The following SHB variants were observed in gnomAD, a reference collection of about 807,000 sequenced individuals.
SHB encodes the protein SH2 domain containing adaptor protein B, also known as SH2 domain-containing adapter protein B.
Under a neutral mutation model 52.3 loss-of-function variants are expected in SHB, and 20 were observed. The ratio of observed to expected loss-of-function variants is 0.38; its 90% CI spans 0.27 to 0.56. The LOEUF (loss-of-function observed/expected upper bound fraction) is 0.56. Ranked by LOEUF, SHB falls within the 20% of genes least tolerant of loss-of-function variation. SHB has a pLI of 0.71. For missense variants in SHB, 825 were observed against 723.3 expected, an observed-to-expected ratio of 1.14 and a Z score of -1.61; for synonymous variants, 397 against 316.5, an observed-to-expected ratio of 1.25 and a Z score of -2.70.
At chr9:38,067,659 G>T (rs115272920) in intron 1 of SHB, among the ~76,000 whole-genome samples, 1 of 152,020 alleles carries the variant, frequency 6.6e-6, no homozygotes, top group African/African-American at 2.4e-5. Flanking sequence ...GGACTGACTG[G>T]GTCCGTCTTC....
At chr9:37,945,441 C>A (rs1832480999) in intron 5 of SHB, among the ~76,000 whole-genome samples, 1 of 152,224 alleles carries the variant, frequency 6.6e-6, no homozygotes, top group Admixed American at 6.5e-5. Flanking sequence ...CTCTGGGAAG[C>A]AAGTTCATCT....
At chr9:38,012,077 G>A (rs112469130) in intron 2 of SHB, among the ~76,000 whole-genome samples, 4 of 152,144 alleles carry the variant, frequency 2.6e-5, no homozygotes, top group African/African-American at 9.7e-5. Context: ...AGGAGCCCCT[G>A]GGAGAAACAG....
In SHB at chr9:38,006,286, C is replaced by T. The variant is rs999336851; in HGVS notation, c.838+9725G>A. 3.3e-4 allele frequency among the ~76,000 whole-genome samples: 50 copies of T among 152,286 alleles called. 1 individual carries two copies. Among genetic ancestry groups the T allele is most frequent in the African/African-American group, 1.0e-3 (42 of 41,558 alleles). The stretch of plus-strand genomic sequence containing the variant: ...ACCTGTCTCCCTGCCTCTTGCTAGG[C>T]GCTGCAAGATTCCATCCCACACTCC... On this transcript the variant is annotated intron_variant, in intron 2 of 5. Transcript: ENST00000377707.
chr9:38,006,993 C>A (rs1821083010), intron 2 of SHB, among the ~76,000 whole-genome samples: 1 of 152,244 alleles, frequency 6.6e-6, no homozygotes, highest in South Asian at 2.1e-4. Flanking sequence ...GCCACAGCAT[C>A]TAGTAAATGA....
chr9:37,987,210 C>T (rs1394211510), intron 2 of SHB, among the ~76,000 whole-genome samples: 3 of 152,208 alleles, frequency 2.0e-5, no homozygotes, highest in Non-Finnish European at 4.4e-5. Flanking sequence ...GGGCCAACAT[C>T]GCAAAAACTC....
chr9:37,990,400 C>G (rs2243881), intron 2 of SHB, among the ~76,000 whole-genome samples: 4 of 151,948 alleles, frequency 2.6e-5, no homozygotes, highest in Admixed American at 1.3e-4. Flanking sequence ...AAGTTCCAGT[C>G]GAATCCACTT....
At chr9:38,000,519 G>T (rs1820997981) in intron 2 of SHB, among the ~76,000 whole-genome samples, 1 of 152,218 alleles carries the variant, frequency 6.6e-6, no homozygotes, top group Non-Finnish European at 1.5e-5. Context: ...CAGAGCCAGG[G>T]GGCGGGGGCA....
intron 4 of SHB, among the ~76,000 whole-genome samples, chr9:37,950,817 C>T (rs909195778): frequency 2.0e-5 from 3 of 152,208 alleles, no homozygotes; most frequent in Admixed American, 6.5e-5. Flanking sequence ...GCAGCTGCAG[C>T]GTTAGCAGAA....
intron 1 of SHB, among the ~76,000 whole-genome samples, chr9:38,055,042 T>C (rs1347312712): frequency 6.6e-6 from 1 of 152,224 alleles, no homozygotes; most frequent in Non-Finnish European, 1.5e-5. Context: ...GCCCTGGCTG[T>C]ATCTCCAGAA....
chr9:38,063,287 C>G (rs1350629609), intron 1 of SHB, among the ~76,000 whole-genome samples: 1 of 152,200 alleles, frequency 6.6e-6, no homozygotes, highest in African/African-American at 2.4e-5. Context: ...TTCAATCAAG[C>G]CCTACATCAA....
At chr9:37,985,979 A>T (rs575566026) in intron 2 of SHB, among the ~76,000 whole-genome samples, 7 of 152,376 alleles carry the variant, frequency 4.6e-5, no homozygotes, top group Admixed American at 1.3e-4. Context: ...AGGTTCAGAC[A>T]GGAGCAGAGG....
intron 1 of SHB, among the ~76,000 whole-genome samples, chr9:38,037,099 G>C (rs889444550): frequency 6.6e-6 from 1 of 152,196 alleles, no homozygotes; most frequent in African/African-American, 2.4e-5. Flanking sequence ...CTGCCCTGTA[G>C]ACAGCCTGGC....
At chr9:38,012,004 C>T (rs1034824701) in intron 2 of SHB, among the ~76,000 whole-genome samples, 6 of 152,128 alleles carry the variant, frequency 3.9e-5, no homozygotes, top group Non-Finnish European at 8.8e-5. Flanking sequence ...ATACCTCCTG[C>T]CGGTGACACA....
chr9:37,920,202 C>T (rs549672037), intron 5 of SHB, among the ~76,000 whole-genome samples, 198 bp from the exon 6 acceptor site: 5 of 152,058 alleles, frequency 3.3e-5, no homozygotes, highest in African/African-American at 1.2e-4. Flanking sequence ...CGGCATCTGA[C>T]CCGGAACCAG....
At chr9:37,957,461 G>C (rs1316144360) in intron 3 of SHB, among the ~76,000 whole-genome samples, 2 of 152,134 alleles carry the variant, frequency 1.3e-5, no homozygotes, top group Admixed American at 1.3e-4. Flanking sequence ...GTCCCTCTAA[G>C]ACACTCTTTC....
At chr9:37,976,217 G>T (rs1820652120) in intron 2 of SHB, among the ~76,000 whole-genome samples, 1 of 152,124 alleles carries the variant, frequency 6.6e-6, no homozygotes, top group Non-Finnish European at 1.5e-5. Flanking sequence ...TGTATTTTTA[G>T]TGGAGACGGG....
chr9:38,014,939 A>G (rs1162435147), intron 2 of SHB, among the ~76,000 whole-genome samples: 3 of 152,234 alleles, frequency 2.0e-5, no homozygotes, highest in African/African-American at 7.2e-5. Flanking sequence ...AGAAGGAATC[A>G]GGAGAAGGTG....
At chr9:38,041,591 G>A (rs929180792) in intron 1 of SHB, among the ~76,000 whole-genome samples, 1 of 152,158 alleles carries the variant, frequency 6.6e-6, no homozygotes, top group African/African-American at 2.4e-5. Context: ...GGAAGAAAAG[G>A]GAGGTGGAGA....
chr9:38,013,606 A>C (rs143977676), intron 2 of SHB, among the ~76,000 whole-genome samples: 6 of 152,348 alleles, frequency 3.9e-5, no homozygotes, highest in Admixed American at 1.3e-4. Flanking sequence ...CCTGTCTCAA[A>C]AAAAGCCGAA....
Sources: allele counts gnomAD v4.1 joint callset (sites outside exome capture counted in the v4.1 genomes callset), GRCh38; gene constraint gnomAD v4.1.1; transcripts MANE v1.5; gene names NCBI Gene and HGNC (gene_info 2026-07-23, HGNC 2026-07-21).